The following GPR176 variants were observed in gnomAD, a reference collection of about 807,000 sequenced individuals.
GPR176 encodes G-protein coupled receptor 176.
In GPR176, 26 loss-of-function variants were observed where a neutral mutation model predicts 35.4. That is an observed-to-expected ratio of 0.74 (90% CI 0.54 to 1.02). The LOEUF is 1.02. GPR176 is among the 50% of genes least tolerant of loss of function. GPR176 has a pLI of 0.00. For missense variants in GPR176, 597 were observed against 665.3 expected (o/e 0.90, Z 1.13); for synonymous variants, 278 against 271.3 (o/e 1.02, Z -0.24).
intron 1 of GPR176, among the ~76,000 whole-genome samples, chr15:39,877,573 T>C (rs2032301290): frequency 6.6e-6 from 1 of 150,888 alleles, no homozygotes; most frequent in African/African-American, 2.4e-5. Flanking sequence ...TTTTGTTTGT[T>C]TGTTTTGAGT....
chr15:39,895,735 A>G (rs2033093600), intron 1 of GPR176, among the ~76,000 whole-genome samples: 2 of 152,228 alleles, frequency 1.3e-5, no homozygotes, highest in Non-Finnish European at 2.9e-5. Context: ...TAAAGCAGAC[A>G]CTAAAAACAT....
At chr15:39,829,696 G>A (rs752994387) in intron 1 of GPR176, among the ~76,000 whole-genome samples, 9 of 151,906 alleles carry the variant, frequency 5.9e-5, no homozygotes, top group African/African-American at 2.2e-4. Context: ...ATTTTAAATC[G>A]CAACCTCAAG....
chr15:39,889,227 G>C (rs1373357980), intron 1 of GPR176, among the ~76,000 whole-genome samples: 1 of 152,040 alleles, frequency 6.6e-6, no homozygotes. Context: ...AACTAAAATA[G>C]GCCCATGCTA....
chr15:39,896,584 T>A (rs2033120959), intron 1 of GPR176, among the ~76,000 whole-genome samples: 1 of 152,262 alleles, frequency 6.6e-6, no homozygotes, highest in Non-Finnish European at 1.5e-5. Flanking sequence ...AATTCTCTAC[T>A]ATTTTATAAT....
At chr15:39,895,102 C>G (rs575505180) in intron 1 of GPR176, among the ~76,000 whole-genome samples, 3 of 152,192 alleles carry the variant, frequency 2.0e-5, no homozygotes, top group East Asian at 1.9e-4. Flanking sequence ...AGCCTGCAAT[C>G]GCAGGTACTC....
At position 39,812,745 on chromosome 15, in the gene GPR176, ATT is replaced by A. The variant is rs144015459; in HGVS notation, c.173-5489_173-5488del. Among the ~76,000 whole-genome samples the A allele has an allele frequency of 6.8e-3, 986 of 145,046 alleles. 5 individuals carry two copies. The highest frequency in any genetic ancestry group is 0.022 in the African/African-American group (849 of 39,142). On this transcript the variant is annotated intron_variant, in intron 1 of 2. Coordinates refer to ENST00000561100, the MANE Select transcript of GPR176 (RefSeq NM_007223.3). Reference sequence around the variant, plus strand: ...TCCTAATTCCTCTCTTCTAAGCTTTATTTTTTTTTTTTTTGAGACAGGGTCTT... The same window carrying A: ...TCCTAATTCCTCTCTTCTAAGCTTTATTTTTTTTTTTTGAGACAGGGTCTT...
At chr15:39,897,979 C>T (rs2033169402) in intron 1 of GPR176, among the ~76,000 whole-genome samples, 1 of 152,176 alleles carries the variant, frequency 6.6e-6, no homozygotes, top group Admixed American at 6.5e-5. Flanking sequence ...CCCTATCTGT[C>T]ACTGCTCCCA....
At chr15:39,906,996 T>C (rs1374675576) in intron 1 of GPR176, among the ~76,000 whole-genome samples, 2 of 152,170 alleles carry the variant, frequency 1.3e-5, no homozygotes, top group Non-Finnish European at 2.9e-5. Flanking sequence ...AGATAATTTC[T>C]GGAGTTATAA....
rs3837697 is a variant in GPR176, at chr15:39,885,055, T to TC, written c.172+34799dup. On this transcript the variant is annotated intron_variant, in intron 1 of 2. Transcript: ENST00000561100. The stretch of plus-strand genomic sequence containing the variant: ...AACTGTCTACTAACTTCAGTTTTTT[T>TC]CCCTTCAAGAAATAGTTCTAAGTTC... 1.1e-4 allele frequency among the ~76,000 whole-genome samples: 16 copies of TC among 152,342 alleles called. No homozygotes were observed. The East Asian group carries it at 3.1e-3, about 29-fold the overall frequency.
intron 1 of GPR176, among the ~76,000 whole-genome samples, chr15:39,884,723 G>A (rs408190): frequency 0.098 from 14,878 of 152,094 alleles, 1,124 homozygotes; most frequent in Admixed American, 0.21. Context: ...AAGGCCAAGG[G>A]CAAAAGACAT....
intron 1 of GPR176, among the ~76,000 whole-genome samples, chr15:39,868,069 G>C (rs1358031073): frequency 6.6e-6 from 1 of 152,006 alleles, no homozygotes. Context: ...AAGTGGGATG[G>C]GGGGCTGGAA....
chr15:39,828,950 T>A, intron 1 of GPR176: 2 of 629,630 alleles, frequency 3.2e-6, no homozygotes, highest in Non-Finnish European at 5.8e-6. Flanking sequence ...ATGATACTAC[T>A]AGCCAGAATT....
intron 1 of GPR176, among the ~76,000 whole-genome samples, chr15:39,897,529 T>C (rs1159952685): frequency 6.6e-6 from 1 of 151,658 alleles, no homozygotes; most frequent in African/African-American, 2.4e-5. Flanking sequence ...TATCTGCAAG[T>C]GCCATTGCAA....
At chr15:39,908,950 T>C (rs1444851253) in intron 1 of GPR176, among the ~76,000 whole-genome samples, 2 of 152,188 alleles carry the variant, frequency 1.3e-5, no homozygotes, top group African/African-American at 2.4e-5. Context: ...AGTGGGGCTA[T>C]ACAGAGTACT....
At chr15:39,843,483 C>A (rs1461315832) in intron 1 of GPR176, among the ~76,000 whole-genome samples, 2 of 152,114 alleles carry the variant, frequency 1.3e-5, no homozygotes, top group African/African-American at 4.8e-5. Flanking sequence ...GTCCCAGTTA[C>A]AATAACTCAA....
intron 1 of GPR176, 64 bp downstream of exon 1, chr15:39,919,791 C>G: frequency 7.7e-7 from 1 of 1,291,702 alleles, no homozygotes; most frequent in Non-Finnish European, 1.0e-6. Flanking sequence ...CGGCCCTGCT[C>G]CCGGCTCTCC....
intron 1 of GPR176, chr15:39,813,711 A>T (rs1429779939): frequency 1.4e-4 from 21 of 152,130 alleles, no homozygotes; most frequent in Admixed American, 1.4e-3. Context: ...GTCTTTTATC[A>T]TCATTTTAAT....
In GPR176 at chr15:39,843,334, C is replaced by T. The variant is rs958877041; in HGVS notation, c.173-36076G>A. On this transcript the variant is annotated intron_variant, in intron 1 of 2. Coordinates refer to ENST00000561100, the MANE Select transcript of GPR176 (RefSeq NM_007223.3). ...AAAATGGCCTCAATCATATGTATTT[C>T]AAAGGTAACTTATAATCAAGAAAAA... Among the ~76,000 whole-genome samples the T allele has an allele frequency of 2.8e-4, 42 of 152,044 alleles. 1 individual carries two copies. Among genetic ancestry groups the T allele is most frequent in the African/African-American group, 1.0e-3 (42 of 41,398 alleles).
chr15:39,909,855 G>A (rs2033530668), intron 1 of GPR176: 2 of 938,476 alleles, frequency 2.1e-6, no homozygotes, highest in East Asian at 1.2e-4. Context: ...GTAATCTTGA[G>A]GTTTTCTTTT....
Sources: allele counts gnomAD v4.1 joint callset (sites outside exome capture counted in the v4.1 genomes callset), GRCh38; gene constraint gnomAD v4.1.1; transcripts MANE v1.5; gene names NCBI Gene and HGNC (gene_info 2026-07-23, HGNC 2026-07-21).